DNM3: variants seen among roughly 807,000 people sequenced by gnomAD.
The protein encoded by DNM3 is dynamin 3, also known as dynamin-3.
In DNM3, 47 loss-of-function variants were observed where a neutral mutation model predicts 101.6. The ratio of observed to expected loss-of-function variants is 0.46; its 90% CI spans 0.37 to 0.59. The LOEUF (loss-of-function observed/expected upper bound fraction) is 0.59, where lower values mean the gene tolerates loss of function less well. Among genes scored for constraint, DNM3 ranks in the 20% least tolerant of loss-of-function variants. The pLI is 0.00. For synonymous variants in DNM3, 385 were observed against 387.9 expected (o/e 0.99, Z 0.09); for missense variants, 849 against 1,085.7 (o/e 0.78, Z 3.06).
At chr1:172,143,002 T>C (rs1316148229) in intron 14 of DNM3, among the ~76,000 whole-genome samples, 1 of 152,000 alleles carries the variant, frequency 6.6e-6, no homozygotes, top group Non-Finnish European at 1.5e-5. Flanking sequence ...ATCATCTAAG[T>C]GAAAGTAGCT....
intron 1 of DNM3, among the ~76,000 whole-genome samples, chr1:171,857,904 A>G (rs1169623066): frequency 2.0e-5 from 3 of 151,988 alleles, no homozygotes; most frequent in Admixed American, 2.0e-4. Context: ...AAAAAGAGGC[A>G]CTGGAGAGCT....
chr1:172,329,955 G>A (rs1415176201), intron 17 of DNM3, among the ~76,000 whole-genome samples: 1 of 152,176 alleles, frequency 6.6e-6, no homozygotes, highest in African/African-American at 2.4e-5. Flanking sequence ...TGGGCTTTCA[G>A]ATTAGGAGAT....
At chr1:172,110,079 A>G (rs1421317203) in intron 13 of DNM3, among the ~76,000 whole-genome samples, 2 of 152,202 alleles carry the variant, frequency 1.3e-5, no homozygotes, top group Admixed American at 6.5e-5. Context: ...ACTCCTTTAC[A>G]TATAAGATAA....
At chr1:172,252,714 G>C (rs1026056895) in intron 14 of DNM3, among the ~76,000 whole-genome samples, 1 of 152,098 alleles carries the variant, frequency 6.6e-6, no homozygotes, top group African/African-American at 2.4e-5. Flanking sequence ...TGGTTGTTAG[G>C]CATTTTTACA....
rs1418506398 is a variant in DNM3 at position 172,408,542 on chromosome 1, A to G, written c.*701A>G. The G allele has an allele frequency of 2.0e-6, 2 of 985,236 alleles. No individual in the cohort carries two copies. The highest frequency in any genetic ancestry group is 3.5e-5 in the African/African-American group (2 of 57,226). The allele number at this position is 985,236 out of a possible 1,614,324, so 61.0% of individuals were successfully genotyped here. A position where few individuals can be genotyped will look rare whatever the true frequency, so the allele number is the denominator to read the frequency against. ...TCTTTTTTTGTTAATCAGTCAATAA[A>G]TTTGGCTAATTAGTTTCAGAGTTCA... On this transcript the variant is annotated 3_prime_UTR_variant, in exon 21 of 21. Transcript: ENST00000627582.
At chr1:172,330,781 G>C (rs979823299) in intron 17 of DNM3, among the ~76,000 whole-genome samples, 3 of 152,046 alleles carry the variant, frequency 2.0e-5, no homozygotes, top group African/African-American at 7.2e-5. Flanking sequence ...TCTAGGAGGA[G>C]AAATATGTAC....
intron 14 of DNM3, among the ~76,000 whole-genome samples, chr1:172,167,938 A>G (rs1036727018): frequency 2.0e-5 from 3 of 151,960 alleles, no homozygotes; most frequent in Non-Finnish European, 4.4e-5. Context: ...TTTTAAGTGC[A>G]ATTTCCTGCA....
chr1:171,950,805 G>T (rs1384096884), intron 2 of DNM3, among the ~76,000 whole-genome samples: 1 of 152,058 alleles, frequency 6.6e-6, no homozygotes, highest in African/African-American at 2.4e-5. Flanking sequence ...CTTACAAATT[G>T]TTCACTTTAA....
intron 3 of DNM3, 57 bp from the exon 4 acceptor site, chr1:171,988,888 A>G: frequency 7.0e-7 from 1 of 1,435,490 alleles, no homozygotes; most frequent in Non-Finnish European, 9.5e-7. Context: ...ATGATTCTGT[A>G]TTGTTATCTT....
In DNM3 at chr1:172,033,288, C is replaced by A. The variant is rs78242329; in HGVS notation, c.849+23C>A. On this transcript the variant is annotated intron_variant, in intron 6 of 20. Transcript: ENST00000627582. ...CAGGTAAAAATGTTCTTTCAAGCAA[C>A]AAGAACAATTATGAAATATGTAAGT... 4.9e-3 allele frequency: 7,717 copies of A among 1,565,010 alleles called. 295 individuals are homozygous for A. The African/African-American group carries it at 0.087, about 18-fold the overall frequency.
intron 15 of DNM3, among the ~76,000 whole-genome samples, chr1:172,258,688 A>T (rs765169540): frequency 6.3e-4 from 96 of 152,046 alleles, no homozygotes; most frequent in Non-Finnish European, 1.3e-3. Flanking sequence ...TTATCTTTTT[A>T]AAAATGCAAC....
chr1:172,107,627 G>A (rs2055159159), intron 13 of DNM3, among the ~76,000 whole-genome samples: 1 of 152,214 alleles, frequency 6.6e-6, no homozygotes, highest in Non-Finnish European at 1.5e-5. Flanking sequence ...CCATATTGCA[G>A]ACCAGAATGT....
At chr1:172,379,717 G>A (rs1309361018) in intron 18 of DNM3, among the ~76,000 whole-genome samples, 1 of 151,898 alleles carries the variant, frequency 6.6e-6, no homozygotes, top group Admixed American at 6.6e-5. Context: ...ATTTTTCTAA[G>A]GTAAGGATGC....
At chr1:172,226,051 T>C (rs1035488163) in intron 14 of DNM3, among the ~76,000 whole-genome samples, 3 of 152,172 alleles carry the variant, frequency 2.0e-5, no homozygotes, top group Non-Finnish European at 4.4e-5. Flanking sequence ...AAGTTTAGTT[T>C]CTAGTTTGTA....
intron 15 of DNM3, among the ~76,000 whole-genome samples, chr1:172,279,173 A>T (rs919833528): frequency 2.6e-5 from 4 of 152,164 alleles, no homozygotes; most frequent in Admixed American, 6.6e-5. Flanking sequence ...AATTGGAAGC[A>T]TTTTTCAGTT....
chr1:172,292,244 C>T (rs183998894), intron 15 of DNM3, among the ~76,000 whole-genome samples: 93 of 152,188 alleles, frequency 6.1e-4, no homozygotes, highest in Admixed American at 1.4e-3. Context: ...TTATAATCCC[C>T]ATTTTATAGG....
intron 1 of DNM3, among the ~76,000 whole-genome samples, chr1:171,856,029 G>C (rs2033575301): frequency 6.6e-6 from 1 of 152,156 alleles, no homozygotes; most frequent in South Asian, 2.1e-4. Context: ...AATCTATCTT[G>C]AGTTGATTTT....
chr1:171,913,444 A>C (rs944223534), intron 1 of DNM3, among the ~76,000 whole-genome samples: 3 of 152,226 alleles, frequency 2.0e-5, no homozygotes, highest in Non-Finnish European at 4.4e-5. Flanking sequence ...CCAATAATTT[A>C]GAGAAAAAAA....
Position 171,987,794 on chromosome 1 carries a change from A to T in DNM3, c.374A>T (p.Tyr125Phe). ...ISSIPINLRVYSPHVLNLTLI... is the reference protein window; with the variant it reads ...ISSIPINLRVFSPHVLNLTLI... Reference sequence around the variant, plus strand: ...TCCATACCCATTAATTTACGAGTCTATTCCCCACACGGTAAGTAAAATAAT... The same window carrying T: ...TCCATACCCATTAATTTACGAGTCTTTTCCCCACACGGTAAGTAAAATAAT... Residue 125 changes from tyrosine to phenylalanine, a missense_variant, in exon 3 of 21, where the codon TAT becomes TTT. This residue lies in a region of DNM3 where 388 missense variants were observed against 483.0 expected (regional missense o/e 0.80). Coordinates refer to ENST00000627582, the MANE Select transcript of DNM3 (RefSeq NM_015569.5). The T allele has an allele frequency of 6.4e-7, 1 of 1,564,040 alleles. No individual in the cohort carries two copies. The highest frequency in any genetic ancestry group is 8.6e-7 in the Non-Finnish European group (1 of 1,161,208).
Sources: gnomAD v4.1 joint callset for allele counts (sites outside exome capture counted in the v4.1 genomes callset) on GRCh38, gnomAD v4.1.1 for gene constraint, gnomAD v4.1.1 regional missense constraint, MANE v1.5 for transcripts, NCBI Gene and HGNC (gene_info 2026-07-23, HGNC 2026-07-21) for gene names.